The following SLC9C1 variants were observed in gnomAD, a reference collection of about 807,000 sequenced individuals.
The protein encoded by SLC9C1 is solute carrier family 9 member C1.
In SLC9C1, 97 loss-of-function variants were observed where a neutral mutation model predicts 140.9. That is an observed-to-expected ratio of 0.69 (90% CI 0.58 to 0.82). The LOEUF is 0.82. Ranked by LOEUF, SLC9C1 falls within the 40% of genes least tolerant of loss-of-function variation. The pLI is 0.00. For missense variants in SLC9C1, 1,340 were observed against 1,389.3 expected (o/e 0.96, Z 0.56); for synonymous variants, 440 against 442.6 (o/e 0.99, Z 0.07).
chr3:112,291,934 G>A (rs62278760), intron 1 of SLC9C1, among the ~76,000 whole-genome samples: 30,991 of 152,180 alleles, frequency 0.2, 3,562 homozygotes, highest in Middle Eastern at 0.3. Context: ...ATACTATGCA[G>A]CCATAAAAAA....
intron 10 of SLC9C1, among the ~76,000 whole-genome samples, chr3:112,250,181 C>A (rs959859772): frequency 6.6e-6 from 1 of 151,340 alleles, no homozygotes. Context: ...TTTGTCCTTG[C>A]GACAGTTTGC....
chr3:112,289,763 T>G (rs1224036038), intron 1 of SLC9C1, among the ~76,000 whole-genome samples: 1 of 152,196 alleles, frequency 6.6e-6, no homozygotes, highest in African/African-American at 2.4e-5. Flanking sequence ...TTTCTAAATT[T>G]TTTAATGTTA....
At chr3:112,167,805 T>C (rs1231560502) in intron 25 of SLC9C1, among the ~76,000 whole-genome samples, 2 of 152,218 alleles carry the variant, frequency 1.3e-5, no homozygotes, top group Non-Finnish European at 2.9e-5. Context: ...GGGCTCTGTT[T>C]CTAGGAAAGT....
chr3:112,282,364 G>A (rs1034458789), intron 2 of SLC9C1, among the ~76,000 whole-genome samples: 1 of 138,042 alleles, frequency 7.2e-6, no homozygotes. Context: ...GGATGCTCAA[G>A]GCATTTTGCT....
chr3:112,223,970 G>GC (rs2078610907), intron 13 of SLC9C1, among the ~76,000 whole-genome samples: 1 of 152,200 alleles, frequency 6.6e-6, no homozygotes, highest in Non-Finnish European at 1.5e-5. Flanking sequence ...TGGCTAACCA[G>GC]CCCCTTGCTT....
rs577236250 is a variant in SLC9C1, at chr3:112,233,523, G to T, written c.1447-2037C>A. On this transcript the variant is annotated intron_variant, in intron 12 of 28. Transcript: ENST00000305815. ...ATACTTTAAGTTCTAGGGTACATGT[G>T]CACAATGTGCAAGTTAGTTACATAT... Among the ~76,000 whole-genome samples the T allele has an allele frequency of 9.9e-5, 15 of 151,986 alleles. 1 individual carries two copies. In the South Asian group the frequency reaches 3.1e-3, roughly 32 times the overall value.
rs554771929 is a variant in SLC9C1 at position 112,292,688 on chromosome 3, C to T, written c.-88+1405G>A. On this transcript the variant is annotated intron_variant, in intron 1 of 28. Transcript: ENST00000305815. ...CCTCCCGAGTAGCTGGGACTACAGG[C>T]GCCAGCCACCACGCCCGGCTAATTT... Among the ~76,000 whole-genome samples, 115 of 152,050 alleles carry T rather than the reference C, an allele frequency of 7.6e-4. No individual in the cohort carries two copies. The Middle Eastern group carries it at 0.01, about 13-fold the overall frequency.
intron 16 of SLC9C1, among the ~76,000 whole-genome samples, chr3:112,205,500 G>A (rs9876494): frequency 0.23 from 25,261 of 108,394 alleles, 3,454 homozygotes; most frequent in East Asian, 0.32. Flanking sequence ...TAGATTCAAT[G>A]CCATCCCCAT....
At chr3:112,271,349 T>A (rs2080067249) in intron 6 of SLC9C1, among the ~76,000 whole-genome samples, 1 of 147,948 alleles carries the variant, frequency 6.8e-6, no homozygotes, top group African/African-American at 2.5e-5. Context: ...AAATTATAGT[T>A]AAATGAGGTG....
At chr3:112,175,227 T>C (rs1474805043) in intron 23 of SLC9C1, among the ~76,000 whole-genome samples, 14 of 152,140 alleles carry the variant, frequency 9.2e-5, no homozygotes, top group Admixed American at 9.2e-4. Flanking sequence ...GGGTGTCCGC[T>C]CCAGTCCCTA....
At position 112,152,272 on chromosome 3, in the gene SLC9C1, G is replaced by T. The variant is rs184314844; in HGVS notation, c.3418-309C>A. 4.6e-5 allele frequency among the ~76,000 whole-genome samples: 7 copies of T among 152,232 alleles called. No homozygotes were observed. In the East Asian group the frequency reaches 1.4e-3, roughly 29 times the overall value. On this transcript the variant is annotated intron_variant, in intron 27 of 28. Transcript: ENST00000305815. The stretch of plus-strand genomic sequence containing the variant: ...GGGTAAAGGATCAGCAGGAAAACAT[G>T]TGAGCAAAGGACTTTGTGTCATAAG...
rs1362381035 is a variant in SLC9C1 at position 112,262,957 on chromosome 3, A to C, written c.1164T>G (p.Asp388Glu). The change falls in exon 10 of 29, where the codon GAT becomes GAG. Residue 388 changes from aspartate to glutamate, a missense_variant. Transcript: ENST00000305815. ...TTTCTTTGTCAGATCCAAAATAAAG[A>C]TCAGAGTAGGCAAGCAGAAGGGCCA... is the stretch of plus-strand genomic sequence containing the variant. ...INMALLLAYS[D>E]LYFGSDKEKS... 1.9e-6 allele frequency: 3 copies of C among 1,586,772 alleles called. No individual in the cohort carries two copies. The highest frequency in any genetic ancestry group is 1.7e-6 in the Non-Finnish European group (2 of 1,171,212).
chr3:112,181,527 G>T lies in SLC9C1; in HGVS notation c.2649+606C>A, dbSNP rs1032004870. On this transcript the variant is annotated intron_variant, in intron 21 of 28. Coordinates refer to ENST00000305815, the MANE Select transcript of SLC9C1 (RefSeq NM_183061.3). The stretch of plus-strand genomic sequence containing the variant: ...TAACTGAGCATCCACTATGCATTAT[G>T]CAAAGTGCTAGGGGCTGGGTATTCA... Among the ~76,000 whole-genome samples, 3 of 152,156 alleles carry T rather than the reference G, an allele frequency of 2.0e-5. No homozygotes were observed. The East Asian group carries it at 5.8e-4, about 29-fold the overall frequency.
At chr3:112,257,455 C>A (rs1253771180) in intron 10 of SLC9C1, among the ~76,000 whole-genome samples, 1 of 152,074 alleles carries the variant, frequency 6.6e-6, no homozygotes, top group East Asian at 1.9e-4. Flanking sequence ...AGGGAAAGGA[C>A]TCCCTATTCA....
In SLC9C1 at chr3:112,182,128, G is replaced by A; in HGVS notation, c.2649+5C>T. 2 of 1,504,896 alleles carry A rather than the reference G, an allele frequency of 1.3e-6. No individual in the cohort carries two copies. Among genetic ancestry groups the A allele is most frequent in the South Asian group, 1.4e-5 (1 of 71,826 alleles). 93.2% of individuals were successfully genotyped at this position (1,504,896 alleles called of 1,614,324 possible). A position where few individuals can be genotyped will look rare whatever the true frequency, so the allele number is the denominator to read the frequency against. ...AATATTATTAATAGGAAATAAAAGT[G>A]TTACCTGAATGAAGTTTATATAATC... is the stretch of plus-strand genomic sequence containing the variant. On this transcript the variant is annotated splice_donor_5th_base_variant and intron_variant, in intron 21 of 28. Transcript: ENST00000305815.
intron 21 of SLC9C1, among the ~76,000 whole-genome samples, chr3:112,180,865 C>G (rs1441432433): frequency 1.3e-5 from 2 of 152,178 alleles, no homozygotes; most frequent in African/African-American, 2.4e-5. Flanking sequence ...AGCCAATTCT[C>G]CTACCTCAGC....
At chr3:112,259,916 C>T (rs1031951903) in intron 10 of SLC9C1, among the ~76,000 whole-genome samples, 1 of 152,090 alleles carries the variant, frequency 6.6e-6, no homozygotes, top group African/African-American at 2.4e-5. Flanking sequence ...CCCTTCTATT[C>T]TTATGTTTTG....
At chr3:112,239,761 A>G in intron 12 of SLC9C1, 79 bp downstream of exon 12, 4 of 1,270,686 alleles carry the variant, frequency 3.1e-6, no homozygotes, top group Non-Finnish European at 4.2e-6. Flanking sequence ...AAACTTGTGA[A>G]TTAATATTTA....
intron 26 of SLC9C1, among the ~76,000 whole-genome samples, chr3:112,165,925 G>C (rs990637476): frequency 6.6e-6 from 1 of 152,204 alleles, no homozygotes; most frequent in Non-Finnish European, 1.5e-5. Flanking sequence ...CACCCAGTTC[G>C]ATCTTCCTGG....
Sources: allele counts gnomAD v4.1 joint callset (sites outside exome capture counted in the v4.1 genomes callset), GRCh38; gene constraint gnomAD v4.1.1; transcripts MANE v1.5; gene names NCBI Gene and HGNC (gene_info 2026-07-23, HGNC 2026-07-21).